The following DCLK1 variants were observed in gnomAD, a reference collection of about 807,000 sequenced individuals.
DCLK1 encodes serine/threonine-protein kinase DCLK1.
Under a neutral mutation model 86.2 loss-of-function variants are expected in DCLK1, and 16 were observed. That is an observed-to-expected ratio of 0.19 (90% CI 0.13 to 0.28). DCLK1 has a LOEUF of 0.28. DCLK1 is among the 10% of genes least tolerant of loss of function. The pLI is 1.00. For synonymous variants in DCLK1, 369 were observed against 370.5 expected, an observed-to-expected ratio of 1.00 and a Z score of 0.05; for missense variants, 590 against 940.2, an observed-to-expected ratio of 0.63 and a Z score of 4.87.
At position 36,126,118 on chromosome 13, in the gene DCLK1, A is replaced by C. The variant is rs774842177; in HGVS notation, c.20T>G (p.Met7Arg). ...CCGCTCGTCGAAGTGCTCCAGCTCCATGTCTCTGCCGAAGGACATGATGGA... is the reference window on the plus strand; with the variant it reads ...CCGCTCGTCGAAGTGCTCCAGCTCCCTGTCTCTGCCGAAGGACATGATGGA... The part of the protein sequence containing the change: MSFGRD[M>R]ELEHFDERDK... Residue 7 changes from methionine (M) to arginine (R), a missense_variant, in exon 2 of 17, where the codon ATG (methionine) becomes AGG (arginine). Met to Arg is a moderately conservative substitution (Grantham distance 91). Coordinates refer to ENST00000360631, the MANE Select transcript of DCLK1 (RefSeq NM_001330071.2). The C allele has an allele frequency of 6.3e-7, 1 of 1,598,086 alleles. No homozygotes were observed. Among genetic ancestry groups the C allele is most frequent in the East Asian group, 2.2e-5 (1 of 44,666 alleles).
At chr13:35,839,236 G>C in intron 6 of DCLK1, 60 bp from the exon 7 acceptor site, 3 of 1,425,784 alleles carry the variant, frequency 2.1e-6, no homozygotes, top group Non-Finnish European at 2.9e-6. Flanking sequence ...AGTTTCCAGG[G>C]ACCATGCCCA....
chr13:35,976,525 G>GTTT lies in DCLK1; in HGVS notation c.724-29071_724-29069dup, dbSNP rs11294824. 4.8e-3 allele frequency among the ~76,000 whole-genome samples: 269 copies of GTTT among 56,358 alleles called. 48 individuals carry two copies. The highest frequency in any genetic ancestry group is 7.5e-3 in the Non-Finnish European group (224 of 29,982). 37.0% of individuals were successfully genotyped at this position (56,358 alleles called of 152,430 possible). ...CTCCCAGCACTTCAGCTTCTCCGAG[G>GTTT]TTTTTTTTTTTTTTTTTTTTTTTGA... On this transcript the variant is annotated intron_variant, in intron 3 of 16. Coordinates refer to ENST00000360631, the MANE Select transcript of DCLK1 (RefSeq NM_001330071.2).
At chr13:35,922,975 T>C (rs1311165882) in intron 4 of DCLK1, among the ~76,000 whole-genome samples, 1 of 152,184 alleles carries the variant, frequency 6.6e-6, no homozygotes, top group Non-Finnish European at 1.5e-5. Flanking sequence ...ATGGGAACGA[T>C]GCACCAGAAA....
chr13:35,958,220 C>CACT (rs1438377613), intron 3 of DCLK1, among the ~76,000 whole-genome samples: 4 of 138,110 alleles, frequency 2.9e-5, no homozygotes, highest in South Asian at 2.2e-4. Context: ...CCATCACCAC[C>CACT]ACCACTATAA....
At chr13:36,116,181 C>A (rs1161879957) in intron 2 of DCLK1, among the ~76,000 whole-genome samples, 6 of 151,930 alleles carry the variant, frequency 3.9e-5, no homozygotes, top group Non-Finnish European at 8.8e-5. Context: ...AACTCCTGCC[C>A]TCAAGTGATC....
intron 10 of DCLK1, 61 bp from the exon 11 acceptor site, chr13:35,822,936 A>G (rs1593628205): frequency 1.3e-6 from 2 of 1,590,422 alleles, no homozygotes; most frequent in East Asian, 4.5e-5. Flanking sequence ...GGCCACCTGC[A>G]GAGGCCATTG....
At chr13:36,070,624 T>C (rs1026404467) in intron 3 of DCLK1, among the ~76,000 whole-genome samples, 4 of 141,768 alleles carry the variant, frequency 2.8e-5, no homozygotes, top group African/African-American at 1.1e-4. Flanking sequence ...TTTCCCATCT[T>C]TATTTATTTT....
At chr13:36,050,172 T>C (rs866174892) in intron 3 of DCLK1, among the ~76,000 whole-genome samples, 33 of 152,352 alleles carry the variant, frequency 2.2e-4, no homozygotes, top group African/African-American at 7.2e-4. Context: ...CTTTAACATA[T>C]AACTGCTATC....
intron 6 of DCLK1, among the ~76,000 whole-genome samples, chr13:35,853,438 A>G (rs953648154): frequency 3.3e-5 from 5 of 152,164 alleles, no homozygotes; most frequent in Admixed American, 3.3e-4. Context: ...ACCAAACTTG[A>G]TATTTGGTGC....
At chr13:35,869,254 C>A in intron 5 of DCLK1, 1 of 394,464 alleles carries the variant, frequency 2.5e-6, no homozygotes, top group Non-Finnish European at 5.2e-6. Flanking sequence ...TGTGGAGGTC[C>A]TCTTCTCTGT....
At chr13:35,918,293 T>C (rs114894778) in intron 4 of DCLK1, among the ~76,000 whole-genome samples, 3,540 of 152,308 alleles carry the variant, frequency 0.023, 149 homozygotes, top group African/African-American at 0.081. Flanking sequence ...AACATATGTT[T>C]GTCAGAGGTG....
At chr13:35,848,648 T>C (rs1410149045) in intron 6 of DCLK1, 9 of 985,330 alleles carry the variant, frequency 9.1e-6, no homozygotes, top group Non-Finnish European at 1.1e-5. Flanking sequence ...ACAAATAGCA[T>C]TTATTGGACC....
chr13:35,808,975 A>C (rs769558318), intron 13 of DCLK1, 43 bp downstream of exon 13: 4 of 1,568,894 alleles, frequency 2.5e-6, no homozygotes. Context: ...CAGAGAGTAG[A>C]GAAATGCTTT....
intron 3 of DCLK1, among the ~76,000 whole-genome samples, chr13:36,076,192 A>T (rs540679070): frequency 2.6e-4 from 40 of 152,340 alleles, no homozygotes; most frequent in Non-Finnish European, 5.3e-4. Context: ...TTATGTTAAA[A>T]AATGTATGAG....
chr13:35,987,905 C>T lies in DCLK1; in HGVS notation c.724-40448G>A, dbSNP rs1880020200. Among the ~76,000 whole-genome samples the T allele has an allele frequency of 3.3e-5, 5 of 152,192 alleles. No individual in the cohort carries two copies. The South Asian group carries it at 1.0e-3, about 31-fold the overall frequency. On this transcript the variant is annotated intron_variant, in intron 3 of 16. Transcript: ENST00000360631. ...TTCTAGAGCTTTTATGGCACAATCT[C>T]CTCCCTGCTCCCCACATCTGTCTCA...
At chr13:35,914,330 AAAATATATATATATATATACATATAT>A (rs368626131) in intron 4 of DCLK1, among the ~76,000 whole-genome samples, 25,145 of 91,972 alleles carry the variant, frequency 0.27, 2,824 homozygotes, top group East Asian at 0.45. Flanking sequence ...AGAAAAAAAA[AAAATATATATATATATATACATATAT>A]ATATATATAT....
intron 3 of DCLK1, among the ~76,000 whole-genome samples, chr13:36,014,906 GCTT>G: frequency 6.6e-6 from 1 of 151,890 alleles, no homozygotes; most frequent in East Asian, 1.9e-4. Flanking sequence ...TTCAGTGGTG[GCTT>G]CTTCTCATCC....
At chr13:36,011,992 T>C (rs946678670) in intron 3 of DCLK1, among the ~76,000 whole-genome samples, 2 of 149,352 alleles carry the variant, frequency 1.3e-5, no homozygotes, top group Non-Finnish European at 3.0e-5. Context: ...TGGCCTTCTT[T>C]GTCTCTTTTG....
At chr13:36,075,384 G>C (rs1383418884) in intron 3 of DCLK1, among the ~76,000 whole-genome samples, 1 of 152,124 alleles carries the variant, frequency 6.6e-6, no homozygotes, top group Non-Finnish European at 1.5e-5. Flanking sequence ...ACAGAGTTAG[G>C]GGAAAATATG....
Sources: gnomAD v4.1 joint callset for allele counts (sites outside exome capture counted in the v4.1 genomes callset) on GRCh38, gnomAD v4.1.1 for gene constraint, MANE v1.5 for transcripts, NCBI Gene and HGNC (gene_info 2026-07-23, HGNC 2026-07-21) for gene names.